GRM3: variants seen among roughly 807,000 people sequenced by gnomAD.
GRM3 encodes metabotropic glutamate receptor 3.
In GRM3, 26 loss-of-function variants were observed where a neutral mutation model predicts 70.5. The ratio of observed to expected loss-of-function variants is 0.37; its 90% CI spans 0.27 to 0.51. The LOEUF (loss-of-function observed/expected upper bound fraction) is 0.51. Ranked by LOEUF, GRM3 falls within the 20% of genes least tolerant of loss-of-function variation. The probability of loss-of-function intolerance (pLI) is 0.93; values close to 1 mark genes in which losing one functional copy is unlikely to be tolerated. For missense variants in GRM3, 859 were observed against 1,123.8 expected (o/e 0.76, Z 3.37); for synonymous variants, 443 against 434.9 (o/e 1.02, Z -0.23).
chr7:86,850,474 G>C lies in GRM3; in HGVS notation c.2496G>C (p.Lys832Asn). 6.2e-7 allele frequency: 1 copy of C among 1,612,266 alleles called. No homozygotes were observed. The highest frequency in any genetic ancestry group is 8.5e-7 in the Non-Finnish European group (1 of 1,178,484). ...ACATCATCCTGTTTCAACCCCAGAAGAATGTTGTCACACACAGACTGCACC... is the reference window on the plus strand; with the variant it reads ...ACATCATCCTGTTTCAACCCCAGAACAATGTTGTCACACACAGACTGCACC... Reference protein sequence around the residue: ...KVHIILFQPQKNVVTHRLHLN... With the variant: ...KVHIILFQPQNNVVTHRLHLN... Residue 832 changes from lysine (K) to asparagine (N), a missense_variant, in exon 5 of 6, where the codon AAG (lysine) becomes AAC (asparagine). By Grantham distance (94) the Lys-to-Asn change is moderately conservative (BLOSUM62 0). Coordinates refer to ENST00000361669, the MANE Select transcript of GRM3 (RefSeq NM_000840.3).
chr7:86,763,872 G>T (rs930572524), intron 1 of GRM3, among the ~76,000 whole-genome samples: 1 of 152,062 alleles, frequency 6.6e-6, no homozygotes, highest in Non-Finnish European at 1.5e-5. Flanking sequence ...TTTGGGGGGT[G>T]GTAGCAGCTC....
intron 1 of GRM3, among the ~76,000 whole-genome samples, chr7:86,743,388 T>C (rs1398642973): frequency 1.3e-5 from 2 of 152,112 alleles, no homozygotes; most frequent in Non-Finnish European, 2.9e-5. Flanking sequence ...ACATAGTCTC[T>C]GAAGAACTGA....
Position 86,790,726 on chromosome 7 carries a change from A to G in GRM3, c.1324+3610A>G, listed in dbSNP as rs145944237. Among the ~76,000 whole-genome samples the G allele has an allele frequency of 8.7e-4, 133 of 152,112 alleles. 2 individuals carry two copies. The highest frequency in any genetic ancestry group is 3.1e-3 in the African/African-American group (129 of 41,498). ...CCAACATTAGGGCTTTTCCACTGCCAGTTCTCTCTGCCTATATTGCCCCTA... is the reference window on the plus strand; with the variant it reads ...CCAACATTAGGGCTTTTCCACTGCCGGTTCTCTCTGCCTATATTGCCCCTA... On this transcript the variant is annotated intron_variant, in intron 3 of 5. Coordinates refer to ENST00000361669, the MANE Select transcript of GRM3 (RefSeq NM_000840.3).
chr7:86,662,504 C>T (rs1230863048), intron 1 of GRM3, among the ~76,000 whole-genome samples: 2 of 151,912 alleles, frequency 1.3e-5, no homozygotes, highest in African/African-American at 2.4e-5. Flanking sequence ...TTTTAATATA[C>T]TTCTATAGTG....
chr7:86,777,291 G>A (rs1178160907), intron 2 of GRM3, among the ~76,000 whole-genome samples: 1 of 152,174 alleles, frequency 6.6e-6, no homozygotes, highest in African/African-American at 2.4e-5. Context: ...ATAAAAGTGT[G>A]TGACAATCCT....
At chr7:86,717,042 A>G (rs1584189737) in intron 1 of GRM3, among the ~76,000 whole-genome samples, 1 of 152,060 alleles carries the variant, frequency 6.6e-6, no homozygotes, top group East Asian at 1.9e-4. Flanking sequence ...TTCCCTCAAT[A>G]GTAATATGTG....
chr7:86,825,452 G>A (rs1798212783), intron 3 of GRM3, among the ~76,000 whole-genome samples: 2 of 152,214 alleles, frequency 1.3e-5, no homozygotes, highest in African/African-American at 4.8e-5. Flanking sequence ...GGAGACAGAA[G>A]ACTAAGCTAT....
intron 1 of GRM3, among the ~76,000 whole-genome samples, chr7:86,697,292 C>CAA (rs77134910): frequency 0.016 from 1,953 of 118,966 alleles, 30 homozygotes; most frequent in African/African-American, 0.056. Context: ...TAAACAAAAG[C>CAA]AAAAAAAAAA....
In GRM3 at chr7:86,782,057, G is replaced by A. The variant is rs139864236; in HGVS notation, c.469-4204G>A. 5.6e-4 allele frequency among the ~76,000 whole-genome samples: 85 copies of A among 152,168 alleles called. 1 individual carries two copies. Among genetic ancestry groups the A allele is most frequent in the African/African-American group, 1.6e-3 (67 of 41,520 alleles). ...CATGCTGATTCCTAGTACTTTCCTC[G>A]TTCAGTTCTAAGTGTTTCCATGCTC... On this transcript the variant is annotated intron_variant, in intron 2 of 5. Coordinates refer to ENST00000361669, the MANE Select transcript of GRM3 (RefSeq NM_000840.3).
At chr7:86,744,050 AG>A (rs1189814999) in intron 1 of GRM3, among the ~76,000 whole-genome samples, 1 of 152,092 alleles carries the variant, frequency 6.6e-6, no homozygotes, top group Non-Finnish European at 1.5e-5. Flanking sequence ...GAGCTGTTCA[AG>A]ACCCTAAAGC....
At chr7:86,651,606 T>C (rs1210976146) in intron 1 of GRM3, among the ~76,000 whole-genome samples, 2 of 152,194 alleles carry the variant, frequency 1.3e-5, no homozygotes, top group Non-Finnish European at 2.9e-5. Context: ...AGAGACCCTC[T>C]ACATGCTTAT....
At chr7:86,672,275 T>G (rs1176825134) in intron 1 of GRM3, among the ~76,000 whole-genome samples, 1 of 152,186 alleles carries the variant, frequency 6.6e-6, no homozygotes, top group African/African-American at 2.4e-5. Flanking sequence ...GCATCTTATC[T>G]TTTCCTACTT....
At chr7:86,668,025 A>C (rs377437521) in intron 1 of GRM3, among the ~76,000 whole-genome samples, 2 of 152,138 alleles carry the variant, frequency 1.3e-5, no homozygotes, top group East Asian at 3.8e-4. Context: ...GTCTCCTGCA[A>C]GTCTGACCCC....
At chr7:86,669,105 A>G (rs939845149) in intron 1 of GRM3, among the ~76,000 whole-genome samples, 11 of 152,148 alleles carry the variant, frequency 7.2e-5, no homozygotes, top group South Asian at 2.1e-4. Context: ...CCTACAGAAA[A>G]TAACTAGATG....
chr7:86,706,097 A>T (rs560000314), intron 1 of GRM3, among the ~76,000 whole-genome samples: 1 of 135,566 alleles, frequency 7.4e-6, no homozygotes, highest in Admixed American at 7.2e-5. Flanking sequence ...TTCTAATTCT[A>T]AGGATAAATG....
intron 1 of GRM3, among the ~76,000 whole-genome samples, chr7:86,690,141 C>T (rs1794663501): frequency 6.6e-6 from 1 of 152,136 alleles, no homozygotes; most frequent in East Asian, 1.9e-4. Flanking sequence ...GGGGCCTTCA[C>T]TTCGGAGGTG....
chr7:86,751,114 C>T (rs1294486507), intron 1 of GRM3, among the ~76,000 whole-genome samples: 1 of 152,194 alleles, frequency 6.6e-6, no homozygotes, highest in Admixed American at 6.6e-5. Context: ...TCAGGTATCA[C>T]CGTGGGCAAG....
intron 1 of GRM3, among the ~76,000 whole-genome samples, chr7:86,699,281 A>G (rs963852347): frequency 6.6e-6 from 1 of 152,008 alleles, no homozygotes; most frequent in Non-Finnish European, 1.5e-5. Context: ...AATTAGAAAC[A>G]ATACCTATTA....
intron 1 of GRM3, among the ~76,000 whole-genome samples, chr7:86,738,072 G>A (rs1466537527): frequency 6.6e-6 from 1 of 152,136 alleles, no homozygotes; most frequent in Non-Finnish European, 1.5e-5. Flanking sequence ...TACTGGCCCT[G>A]GTTGAATGAC....
Sources: allele counts gnomAD v4.1 joint callset (sites outside exome capture counted in the v4.1 genomes callset), GRCh38; gene constraint gnomAD v4.1.1; transcripts MANE v1.5; gene names NCBI Gene and HGNC (gene_info 2026-07-23, HGNC 2026-07-21).